AHRR: variants seen among roughly 807,000 people sequenced by gnomAD.
AHRR encodes the protein ahR repressor.
AHRR carries 28 observed loss-of-function variants against 44.0 expected under a neutral mutation model. The observed-to-expected ratio is 0.64, with a 90% CI of 0.47 to 0.87. AHRR has a LOEUF of 0.87. Ranked by LOEUF, AHRR falls within the 40% of genes least tolerant of loss-of-function variation. The pLI is 0.00. For missense variants in AHRR, 990 were observed against 953.9 expected, an observed-to-expected ratio of 1.04 and a Z score of -0.50; for synonymous variants, 434 against 407.0, an observed-to-expected ratio of 1.07 and a Z score of -0.80.
rs564476919 is a variant in AHRR at position 342,934 on chromosome 5, G to T, written c.-10-959G>T. On this transcript the variant is annotated intron_variant, in intron 1 of 10. Coordinates refer to ENST00000684583, the MANE Select transcript of AHRR (RefSeq NM_001377236.1). The surrounding 1 kb of genome is among the most constrained non-coding windows in gnomAD (Gnocchi z 4.3). ...TGGCAGCTGGTGGGTGTAGTCAGCT[G>T]GACTCAGGGCGCTGTGAGCTAGTGA... 2.6e-5 allele frequency among the ~76,000 whole-genome samples: 4 copies of T among 152,352 alleles called. No individual in the cohort carries two copies. The South Asian group carries it at 8.3e-4, about 32-fold the overall frequency.
intron 4 of AHRR, among the ~76,000 whole-genome samples, chr5:377,649 C>G (rs1001653490): frequency 2.6e-5 from 4 of 152,204 alleles, no homozygotes; most frequent in African/African-American, 4.8e-5. Context: ...ACCCCCTGCC[C>G]CAGATCCTCC....
At position 434,470 on chromosome 5, in the gene AHRR, A is replaced by G. The variant is rs1179961714; in HGVS notation, c.1730A>G (p.Asp577Gly). The change falls in exon 11 of 11, where the codon GAC (aspartate) becomes GGC (glycine). Residue 577 changes from aspartate (D) to glycine (G), a missense_variant. Coordinates refer to ENST00000684583, the MANE Select transcript of AHRR (RefSeq NM_001377236.1). Reference sequence around the variant, plus strand: ...AGGATGCACCTGAAAACAGAGCCAGACTCTCGGCAACAGGTGTACATCTCG... The same window carrying G: ...AGGATGCACCTGAAAACAGAGCCAGGCTCTCGGCAACAGGTGTACATCTCG... The part of the protein sequence containing the change: ...PTRMHLKTEP[D>G]SRQQVYISHL... 6.2e-7 allele frequency: 1 copy of G among 1,613,122 alleles called. No homozygotes were observed. The highest frequency in any genetic ancestry group is 8.5e-7 in the Non-Finnish European group (1 of 1,179,954).
chr5:348,587 C>T (rs547198467), intron 2 of AHRR, among the ~76,000 whole-genome samples: 1 of 152,250 alleles, frequency 6.6e-6, no homozygotes, highest in East Asian at 1.9e-4. Flanking sequence ...TTTGCTTGTC[C>T]TGGCATTTTG....
At chr5:347,490 G>A (rs553647018) in intron 2 of AHRR, among the ~76,000 whole-genome samples, 52 of 152,236 alleles carry the variant, frequency 3.4e-4, no homozygotes, top group African/African-American at 1.0e-3. Flanking sequence ...TAAAATATAT[G>A]TATTTATGTT....
intron 3 of AHRR, among the ~76,000 whole-genome samples, chr5:374,495 A>C (rs1028457854): frequency 3.9e-5 from 6 of 152,190 alleles, no homozygotes; most frequent in Non-Finnish European, 8.8e-5. Flanking sequence ...TGCCCAAGGG[A>C]TGCCCCCACC....
At chr5:410,716 A>G (rs1436255349) in intron 4 of AHRR, among the ~76,000 whole-genome samples, 1 of 152,188 alleles carries the variant, frequency 6.6e-6, no homozygotes, top group Non-Finnish European at 1.5e-5. Flanking sequence ...TCAATATACC[A>G]GTCGTGCACA....
chr5:328,807 A>C (rs1185895388), intron 1 of AHRR, among the ~76,000 whole-genome samples: 2 of 152,170 alleles, frequency 1.3e-5, no homozygotes, highest in Non-Finnish European at 2.9e-5. Flanking sequence ...TGTTGGATGA[A>C]TAGTTTGCAA....
rs951642209 is a variant in AHRR at position 404,440 on chromosome 5, A to G, written c.352-8904A>G. On this transcript the variant is annotated intron_variant, in intron 4 of 10. Transcript: ENST00000684583. This position sits in a 1 kb window ranked among gnomAD's most constrained non-coding sequence, Gnocchi z 4.1. ...CTTGGGGCAGAAGCAACAGGGGACC[A>G]CTGTGCTGGTGCTGTCGTGCACGGT... is the stretch of plus-strand genomic sequence containing the variant. 1.9e-6 allele frequency: 1 copy of G among 536,842 alleles called. No individual in the cohort carries two copies. Among genetic ancestry groups the G allele is most frequent in the Admixed American group, 2.0e-5 (1 of 50,652 alleles). 33.3% of individuals were successfully genotyped at this position (536,842 alleles called of 1,614,324 possible).
In AHRR at chr5:343,395, G is replaced by A. The variant is rs531551254; in HGVS notation, c.-10-498G>A. On this transcript the variant is annotated intron_variant, in intron 1 of 10. Transcript: ENST00000684583. Reference sequence around the variant, plus strand: ...ACACGGGACCCGCGTACCCTCTTGGGGGTGACGGGAACACGGGACCCCACA... The same window carrying A: ...ACACGGGACCCGCGTACCCTCTTGGAGGTGACGGGAACACGGGACCCCACA... The A allele has an allele frequency of 2.1e-4, 33 of 158,382 alleles. 3 individuals carry two copies. The highest frequency in any genetic ancestry group is 3.5e-4 in the Non-Finnish European group (26 of 73,658). 9.8% of individuals were successfully genotyped at this position (158,382 alleles called of 1,614,324 possible).
At position 425,581 on chromosome 5, in the gene AHRR, G is replaced by A. The variant is rs532142091; in HGVS notation, c.708+1604G>A. Among the ~76,000 whole-genome samples the A allele has an allele frequency of 4.6e-5, 7 of 152,314 alleles. No homozygotes were observed. In the South Asian group the frequency reaches 1.2e-3, roughly 27 times the overall value. On this transcript the variant is annotated intron_variant, in intron 7 of 10. Coordinates refer to ENST00000684583, the MANE Select transcript of AHRR (RefSeq NM_001377236.1). ...TACTTACTTTTATTGGCTAAGGAAT[G>A]TTGTTCGTTTTTTAAAATTGTATAA...
rs1160057128 is a variant in AHRR at position 428,055 on chromosome 5, C to G, written c.908+49C>G. 9 of 1,551,856 alleles carry G rather than the reference C, an allele frequency of 5.8e-6. 1 individual carries two copies. The Admixed American group carries it at 1.2e-4, about 21-fold the overall frequency. On this transcript the variant is annotated intron_variant, in intron 8 of 10. Coordinates refer to ENST00000684583, the MANE Select transcript of AHRR (RefSeq NM_001377236.1). Reference sequence around the variant, plus strand: ...GCCACATGGTGCCTGCTGGCGGCCCCCACAAAACACCTCCACACTCAGTGT... The same window carrying G: ...GCCACATGGTGCCTGCTGGCGGCCCGCACAAAACACCTCCACACTCAGTGT...
chr5:360,218 C>G (rs575339489), intron 3 of AHRR, among the ~76,000 whole-genome samples: 1 of 152,110 alleles, frequency 6.6e-6, no homozygotes, highest in Non-Finnish European at 1.5e-5. Context: ...TGAACACCCC[C>G]CAAAGAAAGG....
At chr5:346,727 T>C (rs1454898258) in intron 2 of AHRR, among the ~76,000 whole-genome samples, 1 of 152,184 alleles carries the variant, frequency 6.6e-6, no homozygotes, top group Non-Finnish European at 1.5e-5. Flanking sequence ...TCTGTCTTCC[T>C]CTGCTGCTAC....
intron 8 of AHRR, 133 bp from the exon 9 acceptor site, chr5:432,330 T>C: frequency 1.3e-6 from 1 of 793,292 alleles, no homozygotes; most frequent in Middle Eastern, 2.3e-4. Context: ...GAGTGAACTA[T>C]TGTTTCTGTC....
intron 8 of AHRR, among the ~76,000 whole-genome samples, chr5:431,082 G>T (rs1285762924): frequency 6.6e-6 from 1 of 152,190 alleles, no homozygotes; most frequent in Non-Finnish European, 1.5e-5. Flanking sequence ...TGGCAAGCCC[G>T]GTCTTCCCTG....
intron 1 of AHRR, among the ~76,000 whole-genome samples, chr5:336,332 G>A (rs1742122325): frequency 6.6e-6 from 1 of 152,110 alleles, no homozygotes; most frequent in African/African-American, 2.4e-5. Flanking sequence ...GCTGTTTCCT[G>A]TCACTTTCCT....
intron 3 of AHRR, among the ~76,000 whole-genome samples, chr5:359,770 G>A (rs1743110021): frequency 6.6e-6 from 1 of 152,170 alleles, no homozygotes; most frequent in African/African-American, 2.4e-5. Context: ...GGCTGAACGG[G>A]CACATCCGCT....
Position 434,326 on chromosome 5 carries a change from TA to T in AHRR, c.1587del (p.Asp530MetfsTer43). On this transcript the variant is annotated frameshift_variant, in exon 11 of 11. Transcript: ENST00000684583. The stretch of plus-strand genomic sequence containing the variant: ...GACCTGTGTGGTCCGACGCTGCTGC[TA>T]GATGTGTCCATCAAGATGGAGAAGG... ...PGDLCGPTLL[L>X]DVSIKMEKDS... is the part of the protein sequence containing the mutation. 1 of 1,612,478 alleles carries T rather than the reference TA, an allele frequency of 6.2e-7. No individual in the cohort carries two copies. Among genetic ancestry groups the T allele is most frequent in the Admixed American group, 1.7e-5 (1 of 59,892 alleles).
intron 5 of AHRR, among the ~76,000 whole-genome samples, chr5:416,333 G>T (rs778927337): frequency 4.3e-4 from 66 of 152,374 alleles, no homozygotes; most frequent in Non-Finnish European, 7.5e-4. Flanking sequence ...GCCAGCAGCG[G>T]TGTTTGCCTG....
Sources: gnomAD v4.1 joint callset for allele counts (sites outside exome capture counted in the v4.1 genomes callset) on GRCh38, gnomAD v4.1.1 for gene constraint, Gnocchi (gnomAD v3.1) non-coding constraint, MANE v1.5 for transcripts, NCBI Gene and HGNC (gene_info 2026-07-23, HGNC 2026-07-21) for gene names.